NPR1: variants seen among roughly 807,000 people sequenced by gnomAD.
The protein encoded by NPR1 is natriuretic peptide receptor 1, also known as atrial natriuretic peptide receptor 1.
Under a neutral mutation model 116.9 loss-of-function variants are expected in NPR1, and 57 were observed. The observed-to-expected ratio is 0.49, with a 90% CI of 0.39 to 0.61. The LOEUF (loss-of-function observed/expected upper bound fraction) is 0.61, where lower values mean the gene tolerates loss of function less well. Ranked by LOEUF, NPR1 falls within the 20% of genes least tolerant of loss-of-function variation. The pLI is 0.00. For synonymous variants in NPR1, 555 were observed against 601.6 expected, an observed-to-expected ratio of 0.92 and a Z score of 1.13; for missense variants, 1,096 against 1,409.8, an observed-to-expected ratio of 0.78 and a Z score of 3.56.
intron 2 of NPR1, chr1:153,680,939 A>C: frequency 1.7e-6 from 1 of 599,136 alleles, no homozygotes; most frequent in South Asian, 2.1e-5. Flanking sequence ...AAAAGATAAG[A>C]AAATGGGCTT....
intron 20 of NPR1, 32 bp downstream of exon 20, chr1:153,690,414 G>T: frequency 2.0e-6 from 3 of 1,503,560 alleles, no homozygotes; most frequent in Non-Finnish European, 2.7e-6. Flanking sequence ...GGAATGGGGA[G>T]GGCAGGGTGG....
Position 153,679,425 on chromosome 1 carries a change from G to T in NPR1, c.317G>T (p.Trp106Leu). The change falls in exon 1 of 22, where the codon TGG (tryptophan) becomes TTG (leucine). Residue 106 changes from tryptophan (W) to leucine (L), a missense_variant. Trp to Leu is a moderately conservative substitution (Grantham distance 61). Coordinates refer to ENST00000368680, the MANE Select transcript of NPR1 (RefSeq NM_000906.4). The surrounding 1 kb of genome is among the most constrained non-coding windows in gnomAD (Gnocchi z 4.2). Reference protein sequence around the residue: ...AAPLAAVDLKWEHNPAVFLGP... With the variant: ...AAPLAAVDLKLEHNPAVFLGP... ...CCCCTGGCCGCGGTGGACCTCAAGT[G>T]GGAGCACAACCCCGCTGTGTTCCTG... The T allele has an allele frequency of 6.5e-7, 1 of 1,543,290 alleles. No individual in the cohort carries two copies.
In NPR1 at chr1:153,688,210, C is replaced by T. The variant is rs2229835; in HGVS notation, c.2406C>T (p.Arg802=). ...TCCAGCAGATCCGCCTGACGTTGCG[C>T]AAATTTAACAGGTCCCTGGTGTTTG... The part of the protein sequence containing the change: ...PPFQQIRLTL[R]KFNRENSSNI... The change falls in exon 15 of 22, where the codon CGC becomes CGT. Residue 802 remains arginine, a synonymous_variant. Coordinates refer to ENST00000368680, the MANE Select transcript of NPR1 (RefSeq NM_000906.4). The T allele has an allele frequency of 1.4e-3, 2,278 of 1,613,414 alleles. 25 individuals are homozygous for T. The African/African-American group carries it at 0.027, about 19-fold the overall frequency.
Position 153,690,419 on chromosome 1 carries a change from G to T in NPR1, c.3031+37G>T, listed in dbSNP as rs1161536525. On this transcript the variant is annotated intron_variant, in intron 20 of 21. Coordinates refer to ENST00000368680, the MANE Select transcript of NPR1 (RefSeq NM_000906.4). ...CCTCCTAGAGGGAATGGGGAGGGCA[G>T]GGTGGCTGAGGGAAATGCCATCCTG... 3.4e-6 allele frequency: 5 copies of T among 1,475,448 alleles called. No homozygotes were observed. The South Asian group carries it at 6.1e-5, about 18-fold the overall frequency. 91.4% of individuals were successfully genotyped at this position (1,475,448 alleles called of 1,614,324 possible).
chr1:153,685,907 C>T (rs770297161), intron 9 of NPR1, 27 bp downstream of exon 9: 18 of 1,597,112 alleles, frequency 1.1e-5, no homozygotes, highest in Non-Finnish European at 1.4e-5. Flanking sequence ...ATCACTGGGC[C>T]TTGGGACTGG....
chr1:153,681,461 T>C lies in NPR1; in HGVS notation c.1035+168T>C, dbSNP rs1669778974. On this transcript the variant is annotated intron_variant, in intron 3 of 21. Transcript: ENST00000368680. ...GGAGGACACTGGCAAGTTCAGCCTC[T>C]GAAACTCAGGTCATCATCAGTAATA... 6 of 641,768 alleles carry C rather than the reference T, an allele frequency of 9.3e-6. No homozygotes were observed. The South Asian group carries it at 1.2e-4, about 12-fold the overall frequency. The allele number at this position is 641,768 out of a possible 1,614,324, so 39.8% of individuals were successfully genotyped here.
chr1:153,679,786 C>A lies in NPR1; in HGVS notation c.678C>A (p.Ser226Arg). The change falls in exon 1 of 22, where the codon AGC becomes AGA. Residue 226 changes from serine to arginine, a missense_variant. Transcript: ENST00000368680. The surrounding 1 kb of genome is among the most constrained non-coding windows in gnomAD (Gnocchi z 4.2). ...DHLEFAEDDL[S>R]HYTRLLRTMP... ...TGGAGTTCGCCGAGGACGACCTCAG[C>A]CACTACACCAGGCTGCTGCGGACCA... 2 of 1,555,766 alleles carry A rather than the reference C, an allele frequency of 1.3e-6. No homozygotes were observed. The highest frequency in any genetic ancestry group is 1.4e-5 in the African/African-American group (1 of 73,808).
Position 153,686,635 on chromosome 1 carries a change from C to T in NPR1, c.1759-11C>T, listed in dbSNP as rs561515035. The T allele has an allele frequency of 6.2e-6, 10 of 1,610,548 alleles. No individual in the cohort carries two copies. The highest frequency in any genetic ancestry group is 5.3e-5 in the African/African-American group (4 of 74,908). ...TCTCTGTCAAGCTCCTGATGCTGGT[C>T]CCACTTGCAGATGCGGGATGTGCAG... On this transcript the variant is annotated splice_polypyrimidine_tract_variant and intron_variant, in intron 10 of 21. Coordinates refer to ENST00000368680, the MANE Select transcript of NPR1 (RefSeq NM_000906.4).
Position 153,678,959 on chromosome 1 carries a change from G to A in NPR1, c.-150G>A. The A allele has an allele frequency of 2.9e-6, 3 of 1,045,674 alleles. No homozygotes were observed. Among genetic ancestry groups the A allele is most frequent in the Non-Finnish European group, 3.8e-6 (3 of 782,696 alleles). 64.8% of individuals were successfully genotyped at this position (1,045,674 alleles called of 1,614,324 possible). On this transcript the variant is annotated 5_prime_UTR_variant, in exon 1 of 22. Transcript: ENST00000368680. The surrounding 1 kb of genome is among the most constrained non-coding windows in gnomAD (Gnocchi z 5.8). ...CTCGGCCCAGACCGTCGCAGCTACA[G>A]GGGGCCTCGAGCCCCGGGGTGAGCG... is the stretch of plus-strand genomic sequence containing the variant.
chr1:153,693,444 C>T lies in NPR1; in HGVS notation c.*30C>T. The T allele has an allele frequency of 6.9e-7, 1 of 1,450,370 alleles. No homozygotes were observed. Among genetic ancestry groups the T allele is most frequent in the Non-Finnish European group, 9.1e-7 (1 of 1,101,870 alleles). 89.8% of individuals were successfully genotyped at this position (1,450,370 alleles called of 1,614,324 possible). ...CCTCCTCTCCTATCCCTCCACACCT[C>T]CCTACCCTGTGCCAGAAGCAACAGA... On this transcript the variant is annotated 3_prime_UTR_variant, in exon 22 of 22. Coordinates refer to ENST00000368680, the MANE Select transcript of NPR1 (RefSeq NM_000906.4).
chr1:153,683,679 G>T, intron 6 of NPR1, 61 bp from the exon 7 acceptor site: 2 of 1,575,910 alleles, frequency 1.3e-6, no homozygotes, highest in African/African-American at 1.3e-5. Context: ...CTATTAGAAA[G>T]TTCTTCCTCC....
intron 19 of NPR1, 43 bp downstream of exon 19, chr1:153,690,023 C>A (rs1180000211): frequency 6.9e-7 from 1 of 1,454,022 alleles, no homozygotes; most frequent in Admixed American, 2.4e-5. Flanking sequence ...GAGGCCAAGG[C>A]TTCGCAAGGG....
intron 7 of NPR1, among the ~76,000 whole-genome samples, chr1:153,684,386 CTTTTTTTTTT>C (rs58272090): frequency 5.6e-5 from 5 of 89,014 alleles, no homozygotes; most frequent in South Asian, 4.3e-4. Context: ...TTCTTTCTTT[CTTTTTTTTTT>C]TTTTTTTTTT....
chr1:153,693,222 C>T, intron 21 of NPR1, 25 bp downstream of exon 21: 1 of 1,608,432 alleles, frequency 6.2e-7, no homozygotes, highest in Non-Finnish European at 8.5e-7. Flanking sequence ...CTCTGCCCTC[C>T]CCACCTTTTG....
chr1:153,682,417 G>T (rs575234899), intron 4 of NPR1, 81 bp from the exon 5 acceptor site: 7 of 1,023,174 alleles, frequency 6.8e-6, no homozygotes, highest in African/African-American at 1.6e-5. Flanking sequence ...AGGCAAAAAA[G>T]ATTAGAGGAT....
rs1288756952 is a variant in NPR1 at position 153,689,946 on chromosome 1, G to C, written c.2898G>C (p.Gln966His). ...VRSFRIRHRP[Q>H]EQLRLRIGIH... ...CCTTCCGAATCCGCCACCGGCCCCA[G>C]GAGCAGCTGCGCTTGCGCATTGGCA... Residue 966 changes from glutamine to histidine, a missense_variant, in exon 19 of 22, where the codon CAG becomes CAC. Coordinates refer to ENST00000368680, the MANE Select transcript of NPR1 (RefSeq NM_000906.4). This position sits in a 1 kb window ranked among gnomAD's most constrained non-coding sequence, Gnocchi z 5.1. 6.5e-7 allele frequency: 1 copy of C among 1,545,818 alleles called. No individual in the cohort carries two copies. The highest frequency in any genetic ancestry group is 2.0e-5 in the Admixed American group (1 of 50,904).
intron 11 of NPR1, 58 bp downstream of exon 11, chr1:153,686,808 C>A: frequency 4.7e-6 from 7 of 1,504,784 alleles, no homozygotes; most frequent in Non-Finnish European, 6.4e-6. Context: ...CTGCCCCTGA[C>A]TGGCCATAAG....
chr1:153,682,828 G>A (rs1669819952), intron 5 of NPR1, among the ~76,000 whole-genome samples: 1 of 152,226 alleles, frequency 6.6e-6, no homozygotes, highest in African/African-American at 2.4e-5. Flanking sequence ...GCACAAGCCT[G>A]CCCTCGGGGA....
Position 153,679,017 on chromosome 1 carries a change from A to T in NPR1, c.-92A>T. On this transcript the variant is annotated 5_prime_UTR_variant, in exon 1 of 22. Transcript: ENST00000368680. This position sits in a 1 kb window ranked among gnomAD's most constrained non-coding sequence, Gnocchi z 4.2. The stretch of plus-strand genomic sequence containing the variant: ...CCCGCTCCTGCTCCTTCCCATAGGG[A>T]CGCGCCTGATGCCTGGGACCGGCCG... 7.5e-7 allele frequency: 1 copy of T among 1,341,982 alleles called. No homozygotes were observed. Among genetic ancestry groups the T allele is most frequent in the Non-Finnish European group, 9.6e-7 (1 of 1,045,376 alleles). The allele number at this position is 1,341,982 out of a possible 1,614,324, so 83.1% of individuals were successfully genotyped here. A position where few individuals can be genotyped will look rare whatever the true frequency, so the allele number is the denominator to read the frequency against.
Sources: gnomAD v4.1 joint callset for allele counts (sites outside exome capture counted in the v4.1 genomes callset) on GRCh38, gnomAD v4.1.1 for gene constraint, Gnocchi (gnomAD v3.1) non-coding constraint, MANE v1.5 for transcripts, NCBI Gene and HGNC (gene_info 2026-07-23, HGNC 2026-07-21) for gene names.